Variants in DLC1 observed in about 807,000 individuals in gnomAD.
The protein encoded by DLC1 is DLC1 Rho GTPase activating protein.
A neutral mutation model predicts 140.3 loss-of-function variants in DLC1; 54 were observed. That is an observed-to-expected ratio of 0.38 (90% confidence interval 0.31 to 0.48). The LOEUF (loss-of-function observed/expected upper bound fraction) is 0.48, where lower values mean the gene tolerates loss of function less well. Ranked by LOEUF, DLC1 falls within the 20% of genes least tolerant of loss-of-function variation. The pLI, the probability that DLC1 is intolerant of heterozygous loss-of-function variation, is 0.96. For synonymous variants in DLC1, 986 were observed against 728.1 expected (o/e 1.35, Z -5.70); for missense variants, 2,536 against 1,907.0 (o/e 1.33, Z -6.14).
intron 4 of DLC1, among the ~76,000 whole-genome samples, chr8:13,389,958 T>G (rs1836676992): frequency 6.6e-6 from 1 of 152,164 alleles, no homozygotes; most frequent in African/African-American, 2.4e-5. Flanking sequence ...AAAACTTTTG[T>G]TCATGGTAAA....
At chr8:13,397,739 G>C (rs1241389571) in intron 3 of DLC1, among the ~76,000 whole-genome samples, 1 of 152,162 alleles carries the variant, frequency 6.6e-6, no homozygotes, top group African/African-American at 2.4e-5. Flanking sequence ...AGGAGGCTGA[G>C]GCAGGAGGAT....
chr8:13,083,514 C>G lies in DLC1; in HGVS notation c.*2297G>C, dbSNP rs1420152066. ...GTCACACAAATAAGTTGTGATGGCG[C>G]TCTAAGTGACCTCAGCAGAGTTCTT... is the stretch of plus-strand genomic sequence containing the variant. On this transcript the variant is annotated 3_prime_UTR_variant, in exon 18 of 18. Coordinates refer to ENST00000276297, the MANE Select transcript of DLC1 (RefSeq NM_182643.3). 1.3e-5 allele frequency: 2 copies of G among 152,246 alleles called. No homozygotes were observed. The highest frequency in any genetic ancestry group is 2.9e-5 in the Non-Finnish European group (2 of 68,042). 9.4% of individuals were successfully genotyped at this position (152,246 alleles called of 1,614,324 possible).
In DLC1 at chr8:13,088,655, G is replaced by C; in HGVS notation, c.4124C>G (p.Pro1375Arg). ...LRLWRSVIEVPAVPEEILKRL... is the reference protein window; with the variant it reads ...LRLWRSVIEVRAVPEEILKRL... ...CTTTAAGATTTCCTCTGGCACAGCA[G>C]GGACTTCAATGACTGACCTCCAAAG... is the stretch of plus-strand genomic sequence containing the variant. The change falls in exon 16 of 18, where the codon CCT becomes CGT. Residue 1375 changes from proline (P) to arginine (R), a missense_variant. Coordinates refer to ENST00000276297, the MANE Select transcript of DLC1 (RefSeq NM_182643.3). 1 of 1,614,136 alleles carries C rather than the reference G, an allele frequency of 6.2e-7. No individual in the cohort carries two copies. Among genetic ancestry groups the C allele is most frequent in the Non-Finnish European group, 8.5e-7 (1 of 1,180,034 alleles).
chr8:13,154,890 C>G (rs911663571), intron 5 of DLC1, among the ~76,000 whole-genome samples: 1 of 151,972 alleles, frequency 6.6e-6, no homozygotes, highest in Admixed American at 6.5e-5. Context: ...ATAAGGGAAT[C>G]CTATTATAGC....
At chr8:13,563,892 T>G (rs750610620) in intron 1 of DLC1, among the ~76,000 whole-genome samples, 1 of 152,178 alleles carries the variant, frequency 6.6e-6, no homozygotes, top group South Asian at 2.1e-4. Context: ...GAAAGGTTCA[T>G]TTTATTACTA....
chr8:13,251,243 C>G (rs1172844352), intron 5 of DLC1, among the ~76,000 whole-genome samples: 2 of 152,160 alleles, frequency 1.3e-5, no homozygotes, highest in Non-Finnish European at 2.9e-5. Context: ...TTCCACTTAC[C>G]CCAATTATCT....
chr8:13,219,277 T>C (rs1828417810), intron 5 of DLC1, among the ~76,000 whole-genome samples: 1 of 139,348 alleles, frequency 7.2e-6, no homozygotes, highest in Non-Finnish European at 1.5e-5. Flanking sequence ...ATAATTATAA[T>C]ATGAATATAA....
chr8:13,118,517 G>A (rs1328120534), intron 5 of DLC1, among the ~76,000 whole-genome samples: 2 of 152,062 alleles, frequency 1.3e-5, no homozygotes, highest in African/African-American at 4.8e-5. Flanking sequence ...TGAAAACTTA[G>A]GCTGCATTCA....
intron 5 of DLC1, among the ~76,000 whole-genome samples, chr8:13,219,431 A>ATTCATATAATTATAC (rs1828434312): frequency 6.8e-6 from 1 of 146,924 alleles, no homozygotes; most frequent in Non-Finnish European, 1.5e-5. Context: ...TACTTATATA[A>ATTCATATAATTATAC]TTATAATTTA....
chr8:13,220,372 C>T (rs371655429), intron 5 of DLC1, among the ~76,000 whole-genome samples: 4 of 152,010 alleles, frequency 2.6e-5, no homozygotes, highest in African/African-American at 7.2e-5. Flanking sequence ...ACTTGAGCAG[C>T]CTGGCTTGTG....
At chr8:13,127,821 C>G (rs1821714203) in intron 5 of DLC1, among the ~76,000 whole-genome samples, 1 of 152,188 alleles carries the variant, frequency 6.6e-6, no homozygotes, top group South Asian at 2.1e-4. Context: ...GACCTCCAGT[C>G]CTCTCCACAG....
At chr8:13,109,364 C>T (rs989854893) in intron 7 of DLC1, among the ~76,000 whole-genome samples, 2 of 151,784 alleles carry the variant, frequency 1.3e-5, no homozygotes, top group Admixed American at 1.3e-4. Context: ...CAAGACCAGC[C>T]TGAGCAACAC....
chr8:13,094,510 G>A (rs793568), intron 12 of DLC1, among the ~76,000 whole-genome samples: 133,618 of 152,092 alleles, frequency 0.88, 58,780 homozygotes, highest in East Asian at 0.96. Context: ...TGCTACAAAT[G>A]CAAAAATTAG....
intron 1 of DLC1, among the ~76,000 whole-genome samples, chr8:13,503,134 A>G (rs11991759): frequency 7.9e-4 from 121 of 152,262 alleles, no homozygotes; most frequent in African/African-American, 2.7e-3. Flanking sequence ...ACTGGGCATG[A>G]TGGCTCACGC....
At chr8:13,517,818 C>G (rs566535381), upstream of DLC1, among the ~76,000 whole-genome samples, 1 of 152,294 alleles carries the variant, frequency 6.6e-6, no homozygotes, top group African/African-American at 2.4e-5. Flanking sequence ...GTTACCTAAC[C>G]GGGGTGAGGA....
rs1405819375 is a variant in DLC1, at chr8:13,304,116, G to C, written c.1348+1153C>G. 2.0e-5 allele frequency among the ~76,000 whole-genome samples: 3 copies of C among 152,108 alleles called. No homozygotes were observed. The East Asian group carries it at 5.8e-4, about 29-fold the overall frequency. On this transcript the variant is annotated intron_variant, in intron 5 of 17. Transcript: ENST00000276297. ...GGGGACAGCTATGTAAGATACTGGAGATTTAAAACTTTAAATCCATTCAAT... is the reference window on the plus strand; with the variant it reads ...GGGGACAGCTATGTAAGATACTGGACATTTAAAACTTTAAATCCATTCAAT...
In DLC1 at chr8:13,235,453, G is replaced by A. The variant is rs575977403; in HGVS notation, c.1348+69816C>T. Among the ~76,000 whole-genome samples, 65 of 152,050 alleles carry A rather than the reference G, an allele frequency of 4.3e-4. 1 individual carries two copies. Among genetic ancestry groups the A allele is most frequent in the African/African-American group, 1.4e-3 (58 of 41,506 alleles). ...ATGTGTATATTCAATATCTCTCTTC[G>A]CTTTCTTCAATTTAGCAGAATGACA... On this transcript the variant is annotated intron_variant, in intron 5 of 17. Transcript: ENST00000276297.
chr8:13,580,921 C>G (rs1046891796), intron 1 of DLC1, among the ~76,000 whole-genome samples: 1 of 152,090 alleles, frequency 6.6e-6, no homozygotes, highest in Non-Finnish European at 1.5e-5. Flanking sequence ...TGAGGGCTCC[C>G]CAGCATGAAC....
chr8:13,573,689 G>A (rs1229426498), intron 1 of DLC1, among the ~76,000 whole-genome samples: 2 of 152,024 alleles, frequency 1.3e-5, no homozygotes, highest in African/African-American at 4.8e-5. Context: ...GTTTTTTCCT[G>A]CATCCATTGA....
Sources: gnomAD v4.1 joint callset for allele counts (sites outside exome capture counted in the v4.1 genomes callset) on GRCh38, gnomAD v4.1.1 for gene constraint, MANE v1.5 for transcripts, NCBI Gene and HGNC (gene_info 2026-07-23, HGNC 2026-07-21) for gene names.